The following ST6GAL1 variants were observed in gnomAD, a reference collection of about 807,000 sequenced individuals.
The protein encoded by ST6GAL1 is beta-galactoside alpha-2,6-sialyltransferase 1.
A neutral mutation model predicts 38.0 loss-of-function variants in ST6GAL1; 20 were observed. The ratio of observed to expected loss-of-function variants is 0.53; its 90% CI spans 0.37 to 0.77. The LOEUF is 0.77. Ranked by LOEUF, ST6GAL1 falls within the 30% of genes least tolerant of loss-of-function variation. The probability of loss-of-function intolerance (pLI) is 0.00; values close to 1 mark genes in which losing one functional copy is unlikely to be tolerated. For synonymous variants in ST6GAL1, 196 were observed against 188.2 expected, an observed-to-expected ratio of 1.04 and a Z score of -0.34; for missense variants, 432 against 496.4, an observed-to-expected ratio of 0.87 and a Z score of 1.23.
chr3:187,070,287 T>G (rs1390067656), intron 5 of ST6GAL1, among the ~76,000 whole-genome samples: 2 of 152,238 alleles, frequency 1.3e-5, no homozygotes, highest in African/African-American at 4.8e-5. Flanking sequence ...GAATGGATGC[T>G]GGGTAACATC....
intron 1 of ST6GAL1, among the ~76,000 whole-genome samples, chr3:186,949,729 C>T (rs1714513107): frequency 6.6e-6 from 1 of 152,214 alleles, no homozygotes; most frequent in African/African-American, 2.4e-5. Flanking sequence ...AAACCACATG[C>T]TTTGTAGCCA....
At position 187,018,414 on chromosome 3, in the gene ST6GAL1, T is replaced by C. The variant is rs1343685430; in HGVS notation, c.-182-20328T>C. Among the ~76,000 whole-genome samples the C allele has an allele frequency of 2.0e-5, 3 of 152,244 alleles. No homozygotes were observed. In the East Asian group the frequency reaches 5.8e-4, roughly 29 times the overall value. ...ATAAAGGGGAGTTTATTAAGGAGTA[T>C]TGACTCACACGGTCATGGAACTATG... On this transcript the variant is annotated intron_variant, in intron 2 of 7. Coordinates refer to ENST00000169298, the MANE Select transcript of ST6GAL1 (RefSeq NM_173216.2).
intron 2 of ST6GAL1, among the ~76,000 whole-genome samples, chr3:186,995,089 A>G (rs141942734): frequency 3.3e-5 from 5 of 152,260 alleles, no homozygotes; most frequent in East Asian, 1.9e-4. Context: ...ATATGTGTGT[A>G]TGTGTATATA....
At chr3:187,064,813 C>A (rs775893074) in intron 5 of ST6GAL1, among the ~76,000 whole-genome samples, 1 of 152,128 alleles carries the variant, frequency 6.6e-6, no homozygotes, top group Non-Finnish European at 1.5e-5. Flanking sequence ...TTGTCCTGGT[C>A]AGTTATCCTA....
chr3:186,957,260 G>A (rs960971929), intron 1 of ST6GAL1, among the ~76,000 whole-genome samples: 1 of 152,104 alleles, frequency 6.6e-6, no homozygotes, highest in African/African-American at 2.4e-5. Context: ...CTGGCCACAT[G>A]GCAAAACCCC....
chr3:187,018,454 G>A (rs565417845), intron 2 of ST6GAL1, among the ~76,000 whole-genome samples: 2 of 152,256 alleles, frequency 1.3e-5, no homozygotes, highest in South Asian at 4.2e-4. Context: ...GTCCCACATA[G>A]TCCATCTGCA....
At chr3:187,001,613 G>A (rs1038710684) in intron 2 of ST6GAL1, among the ~76,000 whole-genome samples, 1 of 152,086 alleles carries the variant, frequency 6.6e-6, no homozygotes, top group Non-Finnish European at 1.5e-5. Flanking sequence ...GTGAGAAAAT[G>A]CATTTCACAC....
chr3:187,063,194 A>G (rs1408943723), intron 5 of ST6GAL1, among the ~76,000 whole-genome samples: 1 of 152,226 alleles, frequency 6.6e-6, no homozygotes, highest in Non-Finnish European at 1.5e-5. Context: ...GGAGAAAATG[A>G]TTAGTTACCC....
intron 2 of ST6GAL1, among the ~76,000 whole-genome samples, chr3:186,988,069 G>C (rs901541820): frequency 3.3e-5 from 5 of 152,268 alleles, no homozygotes; most frequent in Admixed American, 2.6e-4. Context: ...ACCATCCCAA[G>C]TATCTCCTCA....
intron 2 of ST6GAL1, among the ~76,000 whole-genome samples, chr3:186,982,122 G>A (rs932252930): frequency 6.6e-6 from 1 of 152,242 alleles, no homozygotes; most frequent in East Asian, 1.9e-4. Flanking sequence ...CTAGGTCTGT[G>A]TAGCTCACAA....
intron 2 of ST6GAL1, among the ~76,000 whole-genome samples, chr3:187,028,378 A>G (rs1040572030): frequency 1.3e-5 from 2 of 152,200 alleles, no homozygotes; most frequent in Admixed American, 6.5e-5. Context: ...CTCCCAAACT[A>G]TATCACTGTC....
chr3:186,933,670 C>T (rs1404011067), intron 1 of ST6GAL1, among the ~76,000 whole-genome samples: 1 of 152,178 alleles, frequency 6.6e-6, no homozygotes, highest in Non-Finnish European at 1.5e-5. Context: ...AAAAGTGAGG[C>T]CTAGAGAAGA....
Position 187,042,970 on chromosome 3 carries a change from A to G in ST6GAL1, c.267A>G (p.Pro89=). The G allele has an allele frequency of 2.5e-6, 4 of 1,614,178 alleles. No individual in the cohort carries two copies. The highest frequency in any genetic ancestry group is 2.5e-6 in the Non-Finnish European group (3 of 1,180,018). The change falls in exon 4 of 8, where the codon CCA becomes CCG. Residue 89 remains proline (P), a synonymous_variant. Transcript: ENST00000169298. The part of the protein sequence containing the change: ...GSLRGLAKAK[P]EASFQVWNKD... ...TCAGAGGCCTAGCCAAGGCCAAACC[A>G]GAGGCCTCCTTCCAGGTGTGGAACA...
At chr3:187,010,754 TC>T (rs1716928048) in intron 2 of ST6GAL1, among the ~76,000 whole-genome samples, 1 of 152,184 alleles carries the variant, frequency 6.6e-6, no homozygotes, top group African/African-American at 2.4e-5. Flanking sequence ...TATCTGCAAT[TC>T]CCAGGAATTA....
Position 187,051,297 on chromosome 3 carries a change from T to A in ST6GAL1, c.656T>A (p.Phe219Tyr). ...TTTAATGGGGCACCCACAGCCAACT[T>A]CCAACAAGATGTGGGCACAAAAACT... ...LRFNGAPTAN[F>Y]QQDVGTKTTI... The change falls in exon 5 of 8, where the codon TTC (phenylalanine) becomes TAC (tyrosine). Residue 219 changes from phenylalanine to tyrosine, a missense_variant. Phe to Tyr is a conservative substitution (Grantham distance 22). Coordinates refer to ENST00000169298, the MANE Select transcript of ST6GAL1 (RefSeq NM_173216.2). 6.2e-7 allele frequency: 1 copy of A among 1,614,174 alleles called. No homozygotes were observed. Among genetic ancestry groups the A allele is most frequent in the South Asian group, 1.1e-5 (1 of 91,086 alleles).
chr3:187,033,055 A>T (rs1047017345), intron 2 of ST6GAL1, among the ~76,000 whole-genome samples: 6 of 152,262 alleles, frequency 3.9e-5, no homozygotes, highest in Non-Finnish European at 5.9e-5. Flanking sequence ...ACAAGGTTGA[A>T]GTGTATTTTT....
At chr3:187,064,215 T>A (rs1214558163) in intron 5 of ST6GAL1, among the ~76,000 whole-genome samples, 1 of 152,184 alleles carries the variant, frequency 6.6e-6, no homozygotes, top group Admixed American at 6.5e-5. Flanking sequence ...GAAGATTTTA[T>A]TTTACTCGTA....
intron 5 of ST6GAL1, among the ~76,000 whole-genome samples, chr3:187,053,112 G>A (rs915866272): frequency 2.0e-5 from 3 of 152,114 alleles, no homozygotes; most frequent in Non-Finnish European, 4.4e-5. Flanking sequence ...AGAAGTGTTT[G>A]TTTATATCTT....
intron 2 of ST6GAL1, among the ~76,000 whole-genome samples, chr3:187,029,391 G>A (rs1717661995): frequency 6.6e-6 from 1 of 152,204 alleles, no homozygotes; most frequent in Non-Finnish European, 1.5e-5. Context: ...GTTATTGCAA[G>A]TGTTGGACAT....
Sources: gnomAD v4.1 joint callset for allele counts (sites outside exome capture counted in the v4.1 genomes callset) on GRCh38, gnomAD v4.1.1 for gene constraint, MANE v1.5 for transcripts, NCBI Gene and HGNC (gene_info 2026-07-23, HGNC 2026-07-21) for gene names.